The following SLC26A11 variants were observed in gnomAD, a reference collection of about 807,000 sequenced individuals.
The protein encoded by SLC26A11 is solute carrier family 26 member 11.
A neutral mutation model predicts 62.2 loss-of-function variants in SLC26A11; 58 were observed. The observed-to-expected ratio is 0.93, with a 90% CI of 0.76 to 1.16. SLC26A11 has a LOEUF of 1.16. Ranked by LOEUF, SLC26A11 falls within the 50% of genes most tolerant of loss-of-function variation. SLC26A11 has a pLI of 0.00. For missense variants in SLC26A11, 790 were observed against 794.3 expected (o/e 0.99, Z 0.06); for synonymous variants, 411 against 368.9 (o/e 1.11, Z -1.31).
In SLC26A11 at chr17:80,228,026, T is replaced by C; in HGVS notation, c.736+66T>C. ...CAGGTTGGGGTCACTTGGGGAGTCC[T>C]AGTCCCACCCTAGGGATTCTCACGT... On this transcript the variant is annotated intron_variant, in intron 7 of 17. Coordinates refer to ENST00000361193, the MANE Select transcript of SLC26A11 (RefSeq NM_001166347.2). The surrounding 1 kb of genome is among the most constrained non-coding windows in gnomAD (Gnocchi z 4.1). 1 of 1,464,690 alleles carries C rather than the reference T, an allele frequency of 6.8e-7. No individual in the cohort carries two copies. The allele number at this position is 1,464,690 out of a possible 1,614,324, so 90.7% of individuals were successfully genotyped here. A position where few individuals can be genotyped will look rare whatever the true frequency, so the allele number is the denominator to read the frequency against.
chr17:80,224,264 CGTGT>C (rs898416000), intron 5 of SLC26A11, among the ~76,000 whole-genome samples: 1 of 124,984 alleles, frequency 8.0e-6, no homozygotes, highest in Non-Finnish European at 1.7e-5. Flanking sequence ...TGAGTGTGTG[CGTGT>C]GTGAGTGAGT....
chr17:80,237,868 C>T (rs1420149290), intron 9 of SLC26A11, among the ~76,000 whole-genome samples: 4 of 152,236 alleles, frequency 2.6e-5, no homozygotes, highest in African/African-American at 4.8e-5. Flanking sequence ...TGGCCCTTGC[C>T]GATGTCCACG....
At position 80,223,268 on chromosome 17, in the gene SLC26A11, C is replaced by T. The variant is rs761780106; in HGVS notation, c.444C>T (p.Phe148=). ...GVLRLGFLLD[F]ISYPVIKGFT... ...GCTGGCCAGGGTTCCTGCTGGACTT[C>T]ATTTCCTACCCCGTCATTAAAGGCT... Residue 148 remains phenylalanine (F), a synonymous_variant, in exon 5 of 18, where the codon TTC becomes TTT. Coordinates refer to ENST00000361193, the MANE Select transcript of SLC26A11 (RefSeq NM_001166347.2). This position sits in a 1 kb window ranked among gnomAD's most constrained non-coding sequence, Gnocchi z 4.6. 2 of 1,614,202 alleles carry T rather than the reference C, an allele frequency of 1.2e-6. No individual in the cohort carries two copies. The highest frequency in any genetic ancestry group is 4.5e-5 in the East Asian group (2 of 44,886).
rs770597221 is a variant in SLC26A11 at position 80,225,863 on chromosome 17, C to T, written c.540C>T (p.Pro180=). 4 of 1,614,000 alleles carry T rather than the reference C, an allele frequency of 2.5e-6. No individual in the cohort carries two copies. The highest frequency in any genetic ancestry group is 3.3e-5 in the Admixed American group (2 of 60,014). ...ACCTGCTGGGACTACAGAACATCCC[C>T]AGGCCGTTCTTCCTGCAGGTGTACC... ...IKNLLGLQNI[P]RPFFLQVYHT... is the part of the protein sequence containing the mutation. The change falls in exon 6 of 18, where the codon CCC becomes CCT. Residue 180 remains proline, a synonymous_variant. Transcript: ENST00000361193.
chr17:80,234,998 C>T (rs1274453427), intron 7 of SLC26A11, among the ~76,000 whole-genome samples: 2 of 151,894 alleles, frequency 1.3e-5, no homozygotes, highest in Admixed American at 1.3e-4. Context: ...TATAGGCATC[C>T]ACCACCATGC....
At position 80,252,819 on chromosome 17, in the gene SLC26A11, G is replaced by A. The variant is rs977102972; in HGVS notation, c.*103G>A. The A allele has an allele frequency of 2.8e-6, 3 of 1,070,660 alleles. No homozygotes were observed. The highest frequency in any genetic ancestry group is 4.1e-6 in the Non-Finnish European group (3 of 732,600). The allele number at this position is 1,070,660 out of a possible 1,614,324, so 66.3% of individuals were successfully genotyped here. On this transcript the variant is annotated 3_prime_UTR_variant, in exon 18 of 18. Transcript: ENST00000361193. This position sits in a 1 kb window ranked among gnomAD's most constrained non-coding sequence, Gnocchi z 5.2. ...GCCTGATAGACATGCTGGCCTGGCT[G>A]AGAAACCCCTGAGCAGGTAACCCAG...
intron 9 of SLC26A11, among the ~76,000 whole-genome samples, chr17:80,237,809 AGT>A (rs1270049349): frequency 3.3e-5 from 5 of 152,222 alleles, no homozygotes; most frequent in African/African-American, 1.2e-4. Context: ...TGTGCTGGTG[AGT>A]GTTGTAACAG....
chr17:80,229,962 G>C (rs2042518400), intron 7 of SLC26A11, among the ~76,000 whole-genome samples: 1 of 152,108 alleles, frequency 6.6e-6, no homozygotes, highest in Non-Finnish European at 1.5e-5. Flanking sequence ...CCAGCACTTT[G>C]GGAGGCCGAG....
Position 80,252,682 on chromosome 17 carries a change from T to C in SLC26A11, c.1787T>C (p.Ile596Thr). The C allele has an allele frequency of 6.2e-7, 1 of 1,613,990 alleles. No homozygotes were observed. Among genetic ancestry groups the C allele is most frequent in the Non-Finnish European group, 8.5e-7 (1 of 1,179,990 alleles). Residue 596 changes from isoleucine (I) to threonine (T), a missense_variant, in exon 18 of 18, where the codon ATT becomes ACT. Physicochemically the swap from Ile to Thr is moderately conservative, Grantham distance 89. Transcript: ENST00000361193. This position sits in a 1 kb window ranked among gnomAD's most constrained non-coding sequence, Gnocchi z 5.2. ...TQPYNIREDSILDQKVALLKA is the reference protein window; with the variant it reads ...TQPYNIREDSTLDQKVALLKA ...CCCTACAACATCAGAGAAGACTCCA[T>C]TCTGGACCAAAAGGTTGCCCTGCTC...
chr17:80,242,294 A>G (rs957132142), intron 10 of SLC26A11, among the ~76,000 whole-genome samples: 2 of 152,140 alleles, frequency 1.3e-5, no homozygotes, highest in Non-Finnish European at 2.9e-5. Context: ...AATATTAACA[A>G]GGACTCATTC....
intron 9 of SLC26A11, among the ~76,000 whole-genome samples, chr17:80,238,655 C>G (rs748949019): frequency 6.6e-6 from 1 of 152,036 alleles, no homozygotes; most frequent in Non-Finnish European, 1.5e-5. Flanking sequence ...GTCCTTCTTG[C>G]GTTTGGGTTT....
chr17:80,241,881 G>A lies in SLC26A11; in HGVS notation c.1036+60G>A, dbSNP rs113554028. On this transcript the variant is annotated intron_variant, in intron 10 of 17. Coordinates refer to ENST00000361193, the MANE Select transcript of SLC26A11 (RefSeq NM_001166347.2). ...TGTGGGCCTCCAGGGTCCCAGGCCT[G>A]CCCCTCTGTGTCTCCTGCATTGTAG... is the stretch of plus-strand genomic sequence containing the variant. 1.3e-5 allele frequency: 20 copies of A among 1,561,376 alleles called. No homozygotes were observed. In the African/African-American group the frequency reaches 1.8e-4, roughly 14 times the overall value.
chr17:80,243,785 G>T (rs1598833175), intron 10 of SLC26A11, among the ~76,000 whole-genome samples: 1 of 152,324 alleles, frequency 6.6e-6, no homozygotes, highest in Admixed American at 6.5e-5. Flanking sequence ...GAAGGTCAAG[G>T]TTACTATGGC....
rs1598842797 is a variant in SLC26A11 at position 80,247,985 on chromosome 17, T to C, written c.1295-145T>C. ...GAAGCATGGCCTGGTCAGCAGCTGC[T>C]GTCCCCAAGTCCTCAGGGGCTGCTT... On this transcript the variant is annotated intron_variant, in intron 13 of 17. Coordinates refer to ENST00000361193, the MANE Select transcript of SLC26A11 (RefSeq NM_001166347.2). 14 of 949,814 alleles carry C rather than the reference T, an allele frequency of 1.5e-5. No individual in the cohort carries two copies. The East Asian group carries it at 3.7e-4, about 25-fold the overall frequency. The allele number at this position is 949,814 out of a possible 1,614,324, so 58.8% of individuals were successfully genotyped here.
Position 80,248,677 on chromosome 17 carries a change from G to A in SLC26A11, c.1522+3G>A, listed in dbSNP as rs761006122. 2 of 1,564,078 alleles carry A rather than the reference G, an allele frequency of 1.3e-6. No individual in the cohort carries two copies. Among genetic ancestry groups the A allele is most frequent in the Non-Finnish European group, 1.7e-6 (2 of 1,154,118 alleles). On this transcript the variant is annotated splice_donor_region_variant and intron_variant, in intron 15 of 17. Coordinates refer to ENST00000361193, the MANE Select transcript of SLC26A11 (RefSeq NM_001166347.2). ...GATCCTAAGCCGGGCCCTGGAAGGT[G>A]CATGGGCGGGGGTCAAGGTGGTCTG...
At chr17:80,249,319 G>A in intron 16 of SLC26A11, 32 bp downstream of exon 16, 2 of 1,603,956 alleles carry the variant, frequency 1.2e-6, no homozygotes, top group Non-Finnish European at 1.7e-6. Context: ...TTAGGGGTTA[G>A]CAGCTGCCGG....
rs754187560 is a variant in SLC26A11 at position 80,237,048 on chromosome 17, C to T, written c.857C>T (p.Pro286Leu). 9 of 1,613,920 alleles carry T rather than the reference C, an allele frequency of 5.6e-6. No homozygotes were observed. The highest frequency in any genetic ancestry group is 1.7e-5 in the Admixed American group (1 of 59,998). Reference protein sequence around the residue: ...TAEGLPPVRIPPFSVTTANGT... With the variant: ...TAEGLPPVRILPFSVTTANGT... ...GAGGGGCTCCCTCCAGTCCGGATCC[C>T]GCCCTTCTCAGTGACCACAGCCAAC... The change falls in exon 8 of 18, where the codon CCG becomes CTG. Residue 286 changes from proline to leucine, a missense_variant. Pro to Leu is a moderately conservative substitution (Grantham distance 98, BLOSUM62 -3). Transcript: ENST00000361193.
chr17:80,233,584 A>ATTTTTTTTTTTTTTTTTTTTTTTTTT (rs56289503), intron 7 of SLC26A11, among the ~76,000 whole-genome samples: 3 of 142,406 alleles, frequency 2.1e-5, no homozygotes, highest in Non-Finnish European at 1.5e-5. Flanking sequence ...CTCTTTCAGC[A>ATTTTTTTTTTTTTTTTTTTTTTTTTT]TTTTTTTTTT....
intron 3 of SLC26A11, 171 bp downstream of exon 3, chr17:80,221,965 C>G (rs959738763): frequency 2.9e-6 from 2 of 679,258 alleles, no homozygotes; most frequent in Non-Finnish European, 4.9e-6. Flanking sequence ...GCTCCTATGC[C>G]TGTTTGGCAC....
Sources: allele counts gnomAD v4.1 joint callset (sites outside exome capture counted in the v4.1 genomes callset), GRCh38; gene constraint gnomAD v4.1.1; non-coding constraint Gnocchi (gnomAD v3.1); transcripts MANE v1.5; gene names NCBI Gene and HGNC (gene_info 2026-07-23, HGNC 2026-07-21).